The following ITGB1 variants were observed in gnomAD, a reference collection of about 807,000 sequenced individuals.
ITGB1 encodes integrin subunit beta 1, also known as integrin beta-1.
A neutral mutation model predicts 86.5 loss-of-function variants in ITGB1; 24 were observed. The observed-to-expected ratio is 0.28, with a 90% CI of 0.20 to 0.39. ITGB1 has a LOEUF of 0.39. Ranked by LOEUF, ITGB1 falls within the 10% of genes least tolerant of loss-of-function variation. The probability of loss-of-function intolerance (pLI) is 1.00; values close to 1 mark genes in which losing one functional copy is unlikely to be tolerated. For synonymous variants in ITGB1, 323 were observed against 316.8 expected (o/e 1.02, Z -0.21); for missense variants, 556 against 946.9 (o/e 0.59, Z 5.42).
At chr10:32,926,799 C>G (rs2094966442) in intron 5 of ITGB1, among the ~76,000 whole-genome samples, 1 of 152,176 alleles carries the variant, frequency 6.6e-6, no homozygotes, top group Non-Finnish European at 1.5e-5. Context: ...CTGCTGTCTC[C>G]CTGCTGCTAT....
rs3035177 is a variant in ITGB1, at chr10:32,939,722, A to AAGTGAGTGAGTG, written c.1-4176_1-4165dup. On this transcript the variant is annotated intron_variant, in intron 1 of 15. Coordinates refer to ENST00000302278, the MANE Select transcript of ITGB1 (RefSeq NM_002211.4). ...AGCTGCTCTGGATGGCTGGGTGGGTAAGTGAGTGAGTGAGTGAGTGAGTGA... is the reference window on the plus strand; with the variant it reads ...AGCTGCTCTGGATGGCTGGGTGGGTAAGTGAGTGAGTGAGTGAGTGAGTGAGTGAGTGAGTGA... Among the ~76,000 whole-genome samples the AAGTGAGTGAGTG allele has an allele frequency of 1.1e-4, 16 of 149,774 alleles. 1 individual carries two copies. The highest frequency in any genetic ancestry group is 3.2e-4 in the African/African-American group (13 of 40,398).
At chr10:32,916,851 C>T (rs2094933261) in intron 11 of ITGB1, among the ~76,000 whole-genome samples, 1 of 152,136 alleles carries the variant, frequency 6.6e-6, no homozygotes, top group African/African-American at 2.4e-5. Context: ...CTTTAAAGTT[C>T]ATATGGAACC....
chr10:32,937,385 G>A (rs1229642176), intron 1 of ITGB1, among the ~76,000 whole-genome samples: 2 of 151,890 alleles, frequency 1.3e-5, no homozygotes, highest in African/African-American at 2.4e-5. Context: ...GTGAAACCCC[G>A]TCTCTACTAA....
At chr10:32,933,555 A>G (rs1372579186) in intron 2 of ITGB1, 1 of 152,224 alleles carries the variant, frequency 6.6e-6, no homozygotes, top group African/African-American at 2.4e-5. Context: ...CTGAGATTAT[A>G]AAACCAGCAT....
chr10:32,932,643 C>T, intron 2 of ITGB1, 43 bp from the exon 3 acceptor site: 1 of 1,101,116 alleles, frequency 9.1e-7, no homozygotes, highest in East Asian at 2.4e-5. Context: ...TGTGAAGTGT[C>T]AGAGAGAAAA....
At chr10:32,910,190 T>A in intron 14 of ITGB1, 33 bp downstream of exon 14, 2 of 1,479,362 alleles carry the variant, frequency 1.4e-6, no homozygotes, top group Non-Finnish European at 1.9e-6. Flanking sequence ...ATACAAGATA[T>A]GAAAAGAATG....
At chr10:32,944,079 A>G (rs1046825266) in intron 1 of ITGB1, among the ~76,000 whole-genome samples, 1 of 152,218 alleles carries the variant, frequency 6.6e-6, no homozygotes, top group Admixed American at 6.5e-5. Flanking sequence ...GCCGCAGGGG[A>G]AAAAGCAAAA....
chr10:32,918,847 T>C (rs2094940110), intron 11 of ITGB1, among the ~76,000 whole-genome samples: 1 of 152,180 alleles, frequency 6.6e-6, no homozygotes, highest in African/African-American at 2.4e-5. Flanking sequence ...AAACATACTG[T>C]GTATACCACT....
chr10:32,911,386 A>G, intron 13 of ITGB1, 62 bp downstream of exon 13: 2 of 1,401,682 alleles, frequency 1.4e-6, no homozygotes, highest in Non-Finnish European at 2.0e-6. Flanking sequence ...TCTAGAAACA[A>G]TACAGGCTTA....
chr10:32,932,238 T>C (rs1158818004), intron 3 of ITGB1, among the ~76,000 whole-genome samples: 2 of 152,148 alleles, frequency 1.3e-5, no homozygotes, highest in African/African-American at 4.8e-5. Context: ...TATTTTTAAA[T>C]ATACAAAAAT....
intron 1 of ITGB1, among the ~76,000 whole-genome samples, chr10:32,956,360 C>T (rs2095052052): frequency 6.6e-6 from 1 of 151,548 alleles, no homozygotes; most frequent in Admixed American, 6.6e-5. Flanking sequence ...AATCTAAATT[C>T]CTCTAGCATG....
chr10:32,926,195 A>G (rs2094963957), intron 5 of ITGB1, 86 bp from the exon 6 acceptor site: 2 of 988,498 alleles, frequency 2.0e-6, no homozygotes, highest in Non-Finnish European at 3.1e-6. Flanking sequence ...AAATTCATCT[A>G]TGTTACCAAA....
chr10:32,921,326 G>C (rs953380189), intron 9 of ITGB1, among the ~76,000 whole-genome samples: 2 of 152,130 alleles, frequency 1.3e-5, no homozygotes, highest in African/African-American at 2.4e-5. Context: ...TAAGACAGGG[G>C]AGAATGGGAA....
At chr10:32,926,755 C>T (rs1184825029) in intron 5 of ITGB1, among the ~76,000 whole-genome samples, 1 of 152,150 alleles carries the variant, frequency 6.6e-6, no homozygotes, top group Non-Finnish European at 1.5e-5. Flanking sequence ...AGAATAGACT[C>T]CTACAGTGAC....
At chr10:32,928,349 CG>C in intron 4 of ITGB1, 85 bp from the exon 5 acceptor site, 1 of 639,862 alleles carries the variant, frequency 1.6e-6, no homozygotes, top group Admixed American at 2.5e-5. Flanking sequence ...GTGGTTTACA[CG>C]GTAAACACAA....
chr10:32,943,869 G>A (rs923923994), intron 1 of ITGB1, among the ~76,000 whole-genome samples: 2 of 152,194 alleles, frequency 1.3e-5, no homozygotes, highest in African/African-American at 4.8e-5. Flanking sequence ...TGAGTACCTG[G>A]GGGCTTGATC....
intron 5 of ITGB1, 28 bp from the exon 6 acceptor site, chr10:32,926,137 G>T: frequency 1.4e-6 from 2 of 1,423,942 alleles, no homozygotes; most frequent in South Asian, 1.2e-5. Context: ...GTACATAAAT[G>T]AATGAATGGA....
chr10:32,947,671 A>AT (rs2095034519), intron 1 of ITGB1, among the ~76,000 whole-genome samples: 1 of 152,206 alleles, frequency 6.6e-6, no homozygotes, highest in Admixed American at 6.5e-5. Context: ...GAAACTAACG[A>AT]TAAAAACAAC....
At chr10:32,928,309 T>A (rs2094971969) in intron 4 of ITGB1, 45 bp from the exon 5 acceptor site, 1 of 774,064 alleles carries the variant, frequency 1.3e-6, no homozygotes, top group Non-Finnish European at 2.2e-6. Context: ...CTGTTGGCAA[T>A]CAAACGCAAA....
Sources: gnomAD v4.1 joint callset for allele counts (sites outside exome capture counted in the v4.1 genomes callset) on GRCh38, gnomAD v4.1.1 for gene constraint, MANE v1.5 for transcripts, NCBI Gene and HGNC (gene_info 2026-07-23, HGNC 2026-07-21) for gene names.